STK40: variants seen among roughly 807,000 people sequenced by gnomAD.
STK40 encodes serine/threonine-protein kinase 40.
A neutral mutation model predicts 47.9 loss-of-function variants in STK40; 13 were observed. That is an observed-to-expected ratio of 0.27 (90% confidence interval 0.18 to 0.43). STK40 has a LOEUF of 0.43. STK40 is among the 20% of genes least tolerant of loss of function. STK40 has a pLI of 1.00. For synonymous variants in STK40, 225 were observed against 243.2 expected, an observed-to-expected ratio of 0.93 and a Z score of 0.69; for missense variants, 460 against 595.1, an observed-to-expected ratio of 0.77 and a Z score of 2.36.
At chr1:36,366,297 G>T (rs182714643) in intron 1 of STK40, among the ~76,000 whole-genome samples, 2 of 152,318 alleles carry the variant, frequency 1.3e-5, no homozygotes, top group East Asian at 3.9e-4. Flanking sequence ...AGCAAATGGC[G>T]TGGGAACTGC....
chr1:36,356,163 C>G (rs576108230), intron 4 of STK40, among the ~76,000 whole-genome samples: 2 of 152,300 alleles, frequency 1.3e-5, no homozygotes, highest in East Asian at 1.9e-4. Context: ...ATAAGACAAT[C>G]CATGTCCTGT....
intron 7 of STK40, among the ~76,000 whole-genome samples, chr1:36,347,153 G>T (rs1461225877): frequency 1.3e-5 from 2 of 152,088 alleles, no homozygotes; most frequent in South Asian, 2.1e-4. Context: ...CGAGGGAGTT[G>T]TAAGTGCTTG....
chr1:36,343,328 G>T, intron 10 of STK40, 36 bp downstream of exon 10: 2 of 1,597,544 alleles, frequency 1.3e-6, no homozygotes, highest in Non-Finnish European at 8.5e-7. Flanking sequence ...TGTCCCTTGG[G>T]GCTGGGTAAT....
intron 7 of STK40, among the ~76,000 whole-genome samples, chr1:36,348,262 G>A (rs553082323): frequency 4.3e-4 from 65 of 152,354 alleles, no homozygotes; most frequent in African/African-American, 1.5e-3. Flanking sequence ...TGGCCCCTGC[G>A]CACCTCTCTG....
chr1:36,361,588 G>A (rs1376854820), intron 1 of STK40, among the ~76,000 whole-genome samples: 8 of 152,168 alleles, frequency 5.3e-5, no homozygotes, highest in Non-Finnish European at 7.3e-5. Context: ...GAGGCGGGGA[G>A]CCAACACACC....
intron 1 of STK40, among the ~76,000 whole-genome samples, chr1:36,384,823 A>G (rs1251623786): frequency 6.6e-6 from 1 of 152,210 alleles, no homozygotes; most frequent in African/African-American, 2.4e-5. Context: ...TTGGCCCTAC[A>G]ATTACACATT....
intron 1 of STK40, among the ~76,000 whole-genome samples, chr1:36,377,060 C>G (rs922828509): frequency 6.6e-6 from 1 of 151,874 alleles, no homozygotes; most frequent in Non-Finnish European, 1.5e-5. Context: ...CATGAGCCAC[C>G]GTGCCCAGCC....
chr1:36,348,855 T>C (rs763797046), intron 6 of STK40, 40 bp from the exon 7 acceptor site: 4 of 1,529,108 alleles, frequency 2.6e-6, no homozygotes, highest in East Asian at 2.4e-5. Flanking sequence ...TCAGTGTCTA[T>C]AGCAACAGGC....
In STK40 at chr1:36,359,789, C is replaced by A. The variant is rs1646836040; in HGVS notation, c.113-967G>T. Among the ~76,000 whole-genome samples, 3 of 152,228 alleles carry A rather than the reference C, an allele frequency of 2.0e-5. No individual in the cohort carries two copies. In the South Asian group the frequency reaches 6.2e-4, roughly 31 times the overall value. ...CTTGCATGATTCAGTTCCCGCCCACCTTTCTAACAGGATGTTCCATTCCCT... is the reference window on the plus strand; with the variant it reads ...CTTGCATGATTCAGTTCCCGCCCACATTTCTAACAGGATGTTCCATTCCCT... On this transcript the variant is annotated intron_variant, in intron 2 of 10. Transcript: ENST00000373132.
At chr1:36,360,759 T>A (rs906225285) in intron 2 of STK40, among the ~76,000 whole-genome samples, 1 of 152,112 alleles carries the variant, frequency 6.6e-6, no homozygotes, top group Non-Finnish European at 1.5e-5. Flanking sequence ...GCTTGCAAAG[T>A]CTTGAACTCT....
chr1:36,364,656 A>T (rs1317610294), intron 1 of STK40, among the ~76,000 whole-genome samples: 1 of 151,976 alleles, frequency 6.6e-6, no homozygotes, highest in Admixed American at 6.6e-5. Flanking sequence ...TTAATTAAAA[A>T]AATAAAAAGA....
At chr1:36,382,485 T>G (rs978744327) in intron 1 of STK40, among the ~76,000 whole-genome samples, 2 of 152,178 alleles carry the variant, frequency 1.3e-5, no homozygotes, top group Non-Finnish European at 1.5e-5. Context: ...GGCCAACCCA[T>G]GTATACTTTA....
chr1:36,370,841 G>GTA (rs894617944), intron 1 of STK40, among the ~76,000 whole-genome samples: 3 of 151,264 alleles, frequency 2.0e-5, no homozygotes, highest in Non-Finnish European at 2.9e-5. Flanking sequence ...AGATAATGTA[G>GTA]TATTTGCATA....
At chr1:36,376,509 A>G (rs1646993346) in intron 1 of STK40, among the ~76,000 whole-genome samples, 1 of 152,240 alleles carries the variant, frequency 6.6e-6, no homozygotes, top group Non-Finnish European at 1.5e-5. Flanking sequence ...AAAAGTCCCT[A>G]TAGAGCCACG....
chr1:36,383,149 T>C lies in STK40; in HGVS notation c.-9+2574A>G, dbSNP rs571309407. Among the ~76,000 whole-genome samples, 8 of 152,314 alleles carry C rather than the reference T, an allele frequency of 5.3e-5. No homozygotes were observed. The South Asian group carries it at 1.0e-3, about 20-fold the overall frequency. ...TTTTAGTAGAGAAGGGGTTTCTCCA[T>C]GTTAGACTGGTCTTGAACTCCTGAC... is the stretch of plus-strand genomic sequence containing the variant. On this transcript the variant is annotated intron_variant, in intron 1 of 10. Transcript: ENST00000373132.
intron 1 of STK40, among the ~76,000 whole-genome samples, chr1:36,372,108 AC>A: frequency 6.6e-6 from 1 of 152,200 alleles, no homozygotes; most frequent in Non-Finnish European, 1.5e-5. Flanking sequence ...CAGACGTAGA[AC>A]CCACGGATGT....
chr1:36,342,162 A>G, intron 10 of STK40, 189 bp from the exon 11 acceptor site: 2 of 607,746 alleles, frequency 3.3e-6, no homozygotes, highest in Non-Finnish European at 5.8e-6. Flanking sequence ...CCTCCAGCCA[A>G]CCTCAACTCC....
At chr1:36,384,018 G>C (rs185706776) in intron 1 of STK40, among the ~76,000 whole-genome samples, 3 of 137,658 alleles carry the variant, frequency 2.2e-5, no homozygotes, top group Non-Finnish European at 4.6e-5. Flanking sequence ...GCTGCTATTA[G>C]CTTCTTCTTC....
intron 10 of STK40, 43 bp downstream of exon 10, chr1:36,343,321 C>T (rs1277223783): frequency 6.3e-7 from 1 of 1,588,858 alleles, no homozygotes; most frequent in Non-Finnish European, 8.6e-7. Flanking sequence ...AGAAGCCTGT[C>T]CCTTGGGGCT....
Sources: gnomAD v4.1 joint callset for allele counts (sites outside exome capture counted in the v4.1 genomes callset) on GRCh38, gnomAD v4.1.1 for gene constraint, MANE v1.5 for transcripts, NCBI Gene and HGNC (gene_info 2026-07-23, HGNC 2026-07-21) for gene names.